TEX9: variants seen among roughly 807,000 people sequenced by gnomAD.
TEX9 encodes the protein testis expressed 9.
In TEX9, 74 loss-of-function variants were observed where a neutral mutation model predicts 59.6. The observed-to-expected ratio is 1.24, with a 90% CI of 1.03 to 1.51. The LOEUF is 1.51. TEX9 is among the 40% of genes most tolerant of loss of function. The pLI is 0.00. For synonymous variants in TEX9, 186 were observed against 152.2 expected (o/e 1.22, Z -1.64); for missense variants, 522 against 447.8 (o/e 1.17, Z -1.49).
At chr15:56,310,686 T>TAGGTGGCTAGATAATGAGTCATTGCA (rs1167147946) in intron 1 of TEX9, among the ~76,000 whole-genome samples, 40 of 152,144 alleles carry the variant, frequency 2.6e-4, no homozygotes, top group African/African-American at 9.4e-4. Flanking sequence ...AGGTTAAAGA[T>TAGGTGGCTAGATAATGAGTCATTGCA]AGGTGGCTAG....
At chr15:56,253,879 T>A (rs184875101) in intron 1 of TEX9, among the ~76,000 whole-genome samples, 1 of 152,106 alleles carries the variant, frequency 6.6e-6, no homozygotes, top group African/African-American at 2.4e-5. Flanking sequence ...TAAAGGCAAG[T>A]GACTTGAGAC....
At chr15:56,394,890 G>T in intron 9 of TEX9, 56 bp downstream of exon 9, 2 of 1,530,878 alleles carry the variant, frequency 1.3e-6, no homozygotes, top group African/African-American at 1.4e-5. Flanking sequence ...AAATTATTAA[G>T]GTTACACATT....
chr15:56,349,786 C>T (rs537334463), intron 1 of TEX9, among the ~76,000 whole-genome samples: 6 of 149,934 alleles, frequency 4.0e-5, no homozygotes, highest in South Asian at 4.2e-4. Context: ...CTTGTGAGTG[C>T]ATATATATAT....
At chr15:56,335,407 C>A (rs1396491352) in intron 1 of TEX9, among the ~76,000 whole-genome samples, 20 of 151,980 alleles carry the variant, frequency 1.3e-4, no homozygotes, top group Admixed American at 1.3e-3. Flanking sequence ...CACAGAAAGA[C>A]AAACATCACA....
intron 1 of TEX9, among the ~76,000 whole-genome samples, chr15:56,350,547 C>T (rs145212674): frequency 6.6e-6 from 1 of 152,314 alleles, no homozygotes; most frequent in East Asian, 1.9e-4. Context: ...ATGCCTTTCA[C>T]ACCAACTAAT....
intron 1 of TEX9, among the ~76,000 whole-genome samples, chr15:56,314,673 G>T (rs1268888548): frequency 2.6e-5 from 4 of 152,074 alleles, no homozygotes; most frequent in African/African-American, 9.7e-5. Flanking sequence ...GGTCTTCTTG[G>T]TGCAGAGCTG....
At chr15:56,423,357 T>G (rs1357514092) in intron 10 of TEX9, among the ~76,000 whole-genome samples, 1 of 152,186 alleles carries the variant, frequency 6.6e-6, no homozygotes, top group Non-Finnish European at 1.5e-5. Flanking sequence ...AGTGTTTTGT[T>G]CAATCCCCAC....
chr15:56,297,361 G>A (rs1520534), intron 1 of TEX9, among the ~76,000 whole-genome samples: 149,176 of 152,350 alleles, frequency 0.98, 73,120 homozygotes, highest in Middle Eastern at 1. Flanking sequence ...TTTTGAATAA[G>A]TTTTTACCAT....
At chr15:56,319,731 T>A (rs750559641) in intron 1 of TEX9, among the ~76,000 whole-genome samples, 4 of 152,114 alleles carry the variant, frequency 2.6e-5, no homozygotes, top group Non-Finnish European at 4.4e-5. Context: ...TATGATCAAT[T>A]CCCAGGATGA....
intron 10 of TEX9, among the ~76,000 whole-genome samples, chr15:56,417,007 G>A (rs1361279560): frequency 5.3e-5 from 8 of 151,768 alleles, no homozygotes; most frequent in Non-Finnish European, 1.2e-4. Flanking sequence ...GGTGTTCATA[G>A]TAGTTTCTGA....
intron 1 of TEX9, among the ~76,000 whole-genome samples, chr15:56,286,156 G>A (rs1248509124): frequency 6.6e-6 from 1 of 152,114 alleles, no homozygotes; most frequent in Non-Finnish European, 1.5e-5. Context: ...TGCCTTAGAG[G>A]AGGTATGCAG....
intron 2 of TEX9, among the ~76,000 whole-genome samples, chr15:56,366,440 C>T (rs768163236): frequency 1.3e-5 from 2 of 152,174 alleles, no homozygotes; most frequent in Non-Finnish European, 2.9e-5. Context: ...AGGAAAGAGA[C>T]AGTCACACAC....
At chr15:56,307,442 C>A (rs963341112) in intron 1 of TEX9, among the ~76,000 whole-genome samples, 1 of 152,230 alleles carries the variant, frequency 6.6e-6, no homozygotes, top group East Asian at 1.9e-4. Context: ...CCAGGACTGA[C>A]GAGATAAAAG....
intron 1 of TEX9, among the ~76,000 whole-genome samples, chr15:56,269,152 G>T (rs560157081): frequency 6.6e-6 from 1 of 152,144 alleles, no homozygotes; most frequent in Non-Finnish European, 1.5e-5. Flanking sequence ...TTGTATTCCT[G>T]TCGGATCCGT....
At chr15:56,400,315 G>A (rs560904644) in intron 9 of TEX9, among the ~76,000 whole-genome samples, 8 of 152,196 alleles carry the variant, frequency 5.3e-5, no homozygotes, top group South Asian at 2.1e-4. Flanking sequence ...TGAAAACCAC[G>A]GCACGAAAAC....
chr15:56,365,316 A>T, upstream of TEX9: 1 of 1,209,264 alleles, frequency 8.3e-7, no homozygotes, highest in Non-Finnish European at 1.1e-6. Flanking sequence ...GCCCGCTGCC[A>T]GAGGCTCGCG....
chr15:56,250,452 A>T (rs1448174582), intron 1 of TEX9, among the ~76,000 whole-genome samples: 1 of 152,130 alleles, frequency 6.6e-6, no homozygotes, highest in Non-Finnish European at 1.5e-5. Flanking sequence ...CGAGCATGCA[A>T]ATGACAAGAC....
intron 3 of TEX9, among the ~76,000 whole-genome samples, chr15:56,377,571 G>C (rs140842269): frequency 1.0e-3 from 158 of 152,148 alleles, no homozygotes; most frequent in Middle Eastern, 6.8e-3. Context: ...ACACACTACT[G>C]ATTTTTGTAT....
At chr15:56,444,010 T>C (rs795793) in intron 12 of TEX9, among the ~76,000 whole-genome samples, 141,447 of 152,092 alleles carry the variant, frequency 0.93, 65,854 homozygotes, top group African/African-American at 0.98. Flanking sequence ...AAATATAATG[T>C]CAGGTATGAA....
Sources: allele counts gnomAD v4.1 joint callset (sites outside exome capture counted in the v4.1 genomes callset), GRCh38; gene constraint gnomAD v4.1.1; transcripts MANE v1.5; gene names NCBI Gene and HGNC (gene_info 2026-07-23, HGNC 2026-07-21).